Variants in MAZ observed in about 807,000 individuals in gnomAD.
The protein encoded by MAZ is MYC associated zinc finger protein.
MAZ carries 4 observed loss-of-function variants against 32.7 expected under a neutral mutation model. That is an observed-to-expected ratio of 0.12 (90% CI 0.06 to 0.28). The LOEUF (loss-of-function observed/expected upper bound fraction) is 0.28, where lower values mean the gene tolerates loss of function less well. MAZ is among the 10% of genes least tolerant of loss of function. The probability of loss-of-function intolerance (pLI) is 1.00; values close to 1 mark genes in which losing one functional copy is unlikely to be tolerated. For synonymous variants in MAZ, 510 were observed against 297.6 expected (o/e 1.71, Z -7.35); for missense variants, 763 against 667.2 (o/e 1.14, Z -1.58).
chr16:29,807,987 A>G (rs1206317992), intron 2 of MAZ, 159 bp downstream of exon 2: 1 of 1,350,838 alleles, frequency 7.4e-7, no homozygotes, highest in Admixed American at 2.4e-5. Context: ...GTTACCAGGG[A>G]GCAAGGGGTG....
In MAZ at chr16:29,808,746, ATGCCGAGGGC is replaced by A; in HGVS notation, c.1279+11_1279+20del. 1 of 1,613,212 alleles carries A rather than the reference ATGCCGAGGGC, an allele frequency of 6.2e-7. No homozygotes were observed. Among genetic ancestry groups the A allele is most frequent in the Middle Eastern group, 1.7e-4 (1 of 6,052 alleles). On this transcript the variant is annotated splice_donor_region_variant and intron_variant, in intron 4 of 4. Coordinates refer to ENST00000322945, the MANE Select transcript of MAZ (RefSeq NM_002383.4). ...TCTGTGAGCTCTGCAACAAAGGTAC[ATGCCGAGGGC>A]TGCCGGGAGGGCCAGGGGCAGAGGG...
At chr16:29,809,025 G>A in intron 4 of MAZ, 1 of 548,598 alleles carries the variant, frequency 1.8e-6, no homozygotes, top group Non-Finnish European at 3.2e-6. Context: ...AGTCAAGAAA[G>A]CCAGTTCCAG....
In MAZ at chr16:29,807,716, G is replaced by A; in HGVS notation, c.931G>A (p.Val311Met). Reference protein sequence around the residue: ...HSDEKPYQCPVCQQRFKRKDR... With the variant: ...HSDEKPYQCPMCQQRFKRKDR... Reference sequence around the variant, plus strand: ...GGACGAGAAGCCCTACCAGTGCCCGGTGTGCCAGCAGCGCTTCAAGCGCAA... The same window carrying A: ...GGACGAGAAGCCCTACCAGTGCCCGATGTGCCAGCAGCGCTTCAAGCGCAA... Residue 311 changes from valine (V) to methionine (M), a missense_variant, in exon 2 of 5, where the codon GTG becomes ATG. Val to Met is a conservative substitution (Grantham distance 21). Transcript: ENST00000322945. The A allele has an allele frequency of 6.2e-7, 1 of 1,612,922 alleles. No homozygotes were observed. The highest frequency in any genetic ancestry group is 8.5e-7 in the Non-Finnish European group (1 of 1,179,986).
In MAZ at chr16:29,810,616, C is replaced by G; in HGVS notation, c.*385C>G. 3 of 646,716 alleles carry G rather than the reference C, an allele frequency of 4.6e-6. No individual in the cohort carries two copies. Among genetic ancestry groups the G allele is most frequent in the Non-Finnish European group, 8.4e-6 (3 of 357,570 alleles). The allele number at this position is 646,716 out of a possible 1,614,324, so 40.1% of individuals were successfully genotyped here. On this transcript the variant is annotated 3_prime_UTR_variant, in exon 5 of 5. Transcript: ENST00000322945. ...CTCTTCTCTCCTTCCAGTCCTCTCC[C>G]CCTGCTGTCTGCAGCCCCTCCCCGG...
intron 4 of MAZ, 124 bp from the exon 5 acceptor site, chr16:29,809,952 TG>T: frequency 6.8e-7 from 1 of 1,470,456 alleles, no homozygotes; most frequent in Non-Finnish European, 9.2e-7. Context: ...CTGAGGCCTC[TG>T]GGGTCCAGAT....
At position 29,810,577 on chromosome 16, in the gene MAZ, T is replaced by G; in HGVS notation, c.*346T>G. 1.5e-6 allele frequency: 1 copy of G among 685,094 alleles called. No individual in the cohort carries two copies. The highest frequency in any genetic ancestry group is 2.7e-6 in the Non-Finnish European group (1 of 374,214). 42.4% of individuals were successfully genotyped at this position (685,094 alleles called of 1,614,324 possible). ...GTCTTCCCAGGGACTTGTGAGCCTC[T>G]TCCCTCGACGGTCCTCTTCTCTCCT... On this transcript the variant is annotated 3_prime_UTR_variant, in exon 5 of 5. Coordinates refer to ENST00000322945, the MANE Select transcript of MAZ (RefSeq NM_002383.4).
At position 29,808,593 on chromosome 16, in the gene MAZ, G is replaced by T. The variant is rs769154931; in HGVS notation, c.1131G>T (p.Thr377=). 2.3e-5 allele frequency: 37 copies of T among 1,610,452 alleles called. 1 individual carries two copies. In the South Asian group the frequency reaches 4.0e-4, roughly 17 times the overall value. The change falls in exon 4 of 5, where the codon ACG becomes ACT. Residue 377 remains threonine, a synonymous_variant. Transcript: ENST00000322945. ...KCEKCEAAFA[T]KDRLRAHTVR... ...AGAAATGTGAGGCAGCTTTCGCCAC[G>T]AAGGATCGGCTGCGGGCGCACACAG...
chr16:29,806,906 G>T lies in MAZ; in HGVS notation c.192+13G>T, dbSNP rs749627105. On this transcript the variant is annotated intron_variant, in intron 1 of 4. Coordinates refer to ENST00000322945, the MANE Select transcript of MAZ (RefSeq NM_002383.4). ...GAGTCCATTCCAGGTGAGTAGGGCC[G>T]GCCGCGGCGGCCCGGGCTGGGGGGG... is the stretch of plus-strand genomic sequence containing the variant. 2.3e-6 allele frequency: 3 copies of T among 1,302,270 alleles called. No homozygotes were observed. The highest frequency in any genetic ancestry group is 3.0e-6 in the Non-Finnish European group (3 of 1,015,392). The allele number at this position is 1,302,270 out of a possible 1,614,324, so 80.7% of individuals were successfully genotyped here.
Position 29,810,370 on chromosome 16 carries a change from T to G in MAZ, c.*139T>G. The G allele has an allele frequency of 1.1e-6, 1 of 915,410 alleles. No homozygotes were observed. The highest frequency in any genetic ancestry group is 1.4e-5 in the South Asian group (1 of 71,718). 56.7% of individuals were successfully genotyped at this position (915,410 alleles called of 1,614,324 possible). On this transcript the variant is annotated 3_prime_UTR_variant, in exon 5 of 5. Coordinates refer to ENST00000322945, the MANE Select transcript of MAZ (RefSeq NM_002383.4). ...CAGAAGGAAAGGAGGAAGAAATGTTTTCTTAGGGGAATTCGCTAGGTTTTA... is the reference window on the plus strand; with the variant it reads ...CAGAAGGAAAGGAGGAAGAAATGTTGTCTTAGGGGAATTCGCTAGGTTTTA...
At chr16:29,808,511 C>T in intron 3 of MAZ, 59 bp from the exon 4 acceptor site, 2 of 1,228,726 alleles carry the variant, frequency 1.6e-6, no homozygotes, top group South Asian at 2.7e-5. Flanking sequence ...TCCCCCCTCC[C>T]CAGCCCACCA....
chr16:29,806,636 C>T lies in MAZ; in HGVS notation c.-66C>T, dbSNP rs1899470176. 3 of 970,166 alleles carry T rather than the reference C, an allele frequency of 3.1e-6. No individual in the cohort carries two copies. Among genetic ancestry groups the T allele is most frequent in the African/African-American group, 1.8e-5 (1 of 55,432 alleles). The allele number at this position is 970,166 out of a possible 1,614,324, so 60.1% of individuals were successfully genotyped here. On this transcript the variant is annotated 5_prime_UTR_variant, in exon 1 of 5. Coordinates refer to ENST00000322945, the MANE Select transcript of MAZ (RefSeq NM_002383.4). ...CCGGCCGGGGGCGGCGCCCCGAGCC[C>T]GGGCCCCGCGCGGCCCGCGCCCCCG...
At position 29,807,082 on chromosome 16, in the gene MAZ, TGCGGCCGCTGCCGCCGCTGCTGCC is replaced by T; in HGVS notation, c.300_323del (p.Ala101_Ala108del). 9.9e-7 allele frequency: 1 copy of T among 1,005,104 alleles called. No individual in the cohort carries two copies. The allele number at this position is 1,005,104 out of a possible 1,614,324, so 62.3% of individuals were successfully genotyped here. A position where few individuals can be genotyped will look rare whatever the true frequency, so the allele number is the denominator to read the frequency against. ...CCGCCCAGGAGTCCGCCGCGGCTGC[TGCGGCCGCTGCCGCCGCTGCTGCC>T]GCCGTCGCTGCCGCGCCCCCGGCCC... On this transcript the variant is annotated inframe_deletion, in exon 2 of 5. Coordinates refer to ENST00000322945, the MANE Select transcript of MAZ (RefSeq NM_002383.4).
rs1899560625 is a variant in MAZ at position 29,807,265 on chromosome 16, G to A, written c.480G>A (p.Ala160=). 3 of 1,449,418 alleles carry A rather than the reference G, an allele frequency of 2.1e-6. No homozygotes were observed. The highest frequency in any genetic ancestry group is 1.8e-6 in the Non-Finnish European group (2 of 1,098,422). The allele number at this position is 1,449,418 out of a possible 1,614,324, so 89.8% of individuals were successfully genotyped here. Residue 160 remains alanine, a synonymous_variant, in exon 2 of 5, where the codon GCG becomes GCA. Coordinates refer to ENST00000322945, the MANE Select transcript of MAZ (RefSeq NM_002383.4). The part of the protein sequence containing the change: ...PASAATIAAA[A]ATAVVAPTST... ...CCGCCGCCACTATCGCCGCGGCGGCGGCCACCGCCGTCGTAGCCCCAACCT... is the reference window on the plus strand; with the variant it reads ...CCGCCGCCACTATCGCCGCGGCGGCAGCCACCGCCGTCGTAGCCCCAACCT...
At chr16:29,808,330 A>G (rs1231290405) in intron 3 of MAZ, 37 bp downstream of exon 3, 6 of 1,589,858 alleles carry the variant, frequency 3.8e-6, no homozygotes, top group Non-Finnish European at 4.3e-6. Flanking sequence ...GGTTTTCATG[A>G]TTTTGATCCT....
intron 4 of MAZ, chr16:29,809,519 T>TC (rs1480858189): frequency 1.8e-6 from 2 of 1,081,596 alleles, no homozygotes; most frequent in African/African-American, 1.7e-5. Flanking sequence ...CCCCGCCCCA[T>TC]CCCAATCCAC....
At position 29,807,396 on chromosome 16, in the gene MAZ, A is replaced by G; in HGVS notation, c.611A>G (p.Asn204Ser). ...LCAKEFKNGY[N>S]LRRHEAIHTG... Reference sequence around the variant, plus strand: ...GCCAAGGAGTTCAAGAACGGCTACAATCTCCGGAGGCACGAAGCCATCCAC... The same window carrying G: ...GCCAAGGAGTTCAAGAACGGCTACAGTCTCCGGAGGCACGAAGCCATCCAC... Residue 204 changes from asparagine (N) to serine (S), a missense_variant, in exon 2 of 5, where the codon AAT becomes AGT. Asn to Ser is a conservative substitution (Grantham distance 46, BLOSUM62 1). Transcript: ENST00000322945. 2 of 1,612,274 alleles carry G rather than the reference A, an allele frequency of 1.2e-6. No homozygotes were observed. Among genetic ancestry groups the G allele is most frequent in the Non-Finnish European group, 1.7e-6 (2 of 1,179,734 alleles).
chr16:29,806,749 G>T lies in MAZ; in HGVS notation c.48G>T (p.Val16=). 1 of 1,414,178 alleles carries T rather than the reference G, an allele frequency of 7.1e-7. No homozygotes were observed. The highest frequency in any genetic ancestry group is 1.4e-5 in the South Asian group (1 of 73,152). 87.6% of individuals were successfully genotyped at this position (1,414,178 alleles called of 1,614,324 possible). A position where few individuals can be genotyped will look rare whatever the true frequency, so the allele number is the denominator to read the frequency against. ...PCTLLAPPFP[V]LGLDSRGVGG... is the part of the protein sequence containing the mutation. ...CGCTGCTGGCCCCCCCCTTCCCCGTGCTGGGCCTGGACTCCCGGGGGGTGG... is the reference window on the plus strand; with the variant it reads ...CGCTGCTGGCCCCCCCCTTCCCCGTTCTGGGCCTGGACTCCCGGGGGGTGG... Residue 16 remains valine, a synonymous_variant, in exon 1 of 5, where the codon GTG becomes GTT. Coordinates refer to ENST00000322945, the MANE Select transcript of MAZ (RefSeq NM_002383.4).
rs1253844078 is a variant in MAZ at position 29,809,135 on chromosome 16, T to G, written c.1279+394T>G. ...GGCCGGGCTTTACCAGCACGCACCC[T>G]GCACGGGTAGCAGAGAAAGCTGCCT... On this transcript the variant is annotated intron_variant, in intron 4 of 4. Coordinates refer to ENST00000322945, the MANE Select transcript of MAZ (RefSeq NM_002383.4). 5 of 501,802 alleles carry G rather than the reference T, an allele frequency of 1.0e-5. No homozygotes were observed. In the Admixed American group the frequency reaches 1.1e-4, roughly 11 times the overall value. The allele number at this position is 501,802 out of a possible 1,614,324, so 31.1% of individuals were successfully genotyped here.
rs932182974 is a variant in MAZ, at chr16:29,810,607, G to T, written c.*376G>T. 6.1e-6 allele frequency: 4 copies of T among 657,420 alleles called. No individual in the cohort carries two copies. The highest frequency in any genetic ancestry group is 1.1e-5 in the Non-Finnish European group (4 of 359,074). 40.7% of individuals were successfully genotyped at this position (657,420 alleles called of 1,614,324 possible). On this transcript the variant is annotated 3_prime_UTR_variant, in exon 5 of 5. Transcript: ENST00000322945. The stretch of plus-strand genomic sequence containing the variant: ...TCGACGGTCCTCTTCTCTCCTTCCA[G>T]TCCTCTCCCCCTGCTGTCTGCAGCC...
Sources: gnomAD v4.1 joint callset for allele counts on GRCh38, gnomAD v4.1.1 for gene constraint, MANE v1.5 for transcripts, NCBI Gene and HGNC (gene_info 2026-07-23, HGNC 2026-07-21) for gene names.